The following PTPRD variants were observed in gnomAD, a reference collection of about 807,000 sequenced individuals.
PTPRD encodes protein tyrosine phosphatase receptor type D.
Under a neutral mutation model 214.5 loss-of-function variants are expected in PTPRD, and 34 were observed. That is an observed-to-expected ratio of 0.16 (90% confidence interval 0.12 to 0.21). PTPRD has a LOEUF of 0.21. Ranked by LOEUF, PTPRD falls within the 10% of genes least tolerant of loss-of-function variation. The probability of loss-of-function intolerance (pLI) is 1.00; values close to 1 mark genes in which losing one functional copy is unlikely to be tolerated. For missense variants in PTPRD, 2,545 were observed against 2,398.7 expected (o/e 1.06, Z -1.27); for synonymous variants, 1,128 against 845.7 (o/e 1.33, Z -5.79).
chr9:8,896,843 A>C (rs1190511147), intron 11 of PTPRD, among the ~76,000 whole-genome samples: 1 of 152,174 alleles, frequency 6.6e-6, no homozygotes, highest in Non-Finnish European at 1.5e-5. Context: ...GTTATTTTTC[A>C]TCAGAAATGA....
intron 3 of PTPRD, among the ~76,000 whole-genome samples, chr9:10,308,521 T>C (rs2096162565): frequency 6.6e-6 from 1 of 151,260 alleles, no homozygotes; most frequent in South Asian, 2.1e-4. Flanking sequence ...GTTCTTTGTG[T>C]TCAAGATTGC....
At chr9:9,985,998 G>A (rs1056968543) in intron 4 of PTPRD, among the ~76,000 whole-genome samples, 9 of 151,946 alleles carry the variant, frequency 5.9e-5, no homozygotes, top group African/African-American at 1.7e-4. Flanking sequence ...TTTGGTTTGG[G>A]GAATAAGGAG....
At chr9:8,745,784 TTCTCTC>T (rs60391748) in intron 11 of PTPRD, among the ~76,000 whole-genome samples, 159 of 148,748 alleles carry the variant, frequency 1.1e-3, no homozygotes, top group South Asian at 3.2e-3. Flanking sequence ...TTTATGGAGT[TTCTCTC>T]TCTCTCTCTC....
At chr9:10,382,496 T>C (rs980011109) in intron 2 of PTPRD, among the ~76,000 whole-genome samples, 3 of 151,934 alleles carry the variant, frequency 2.0e-5, no homozygotes, top group Non-Finnish European at 4.4e-5. Context: ...ATTATTGAAA[T>C]ACAATCTGAA....
intron 4 of PTPRD, among the ~76,000 whole-genome samples, chr9:10,016,421 T>G: frequency 7.0e-6 from 1 of 142,276 alleles, no homozygotes; most frequent in Admixed American, 7.0e-5. Flanking sequence ...AAATTCTTTC[T>G]TATTTCAGTA....
rs144354568 is a variant in PTPRD, at chr9:10,329,868, G to A, written c.-545+11095C>T. 2.2e-3 allele frequency among the ~76,000 whole-genome samples: 339 copies of A among 151,828 alleles called. 7 individuals are homozygous for A. The East Asian group carries it at 0.028, about 13-fold the overall frequency. ...TTGCATAACCATTTTGATGCGCATG[G>A]CATAGTCTGTCATGTATAAAAAATT... On this transcript the variant is annotated intron_variant, in intron 3 of 45. Transcript: ENST00000381196.
chr9:8,743,267 C>G (rs1047920184), intron 11 of PTPRD, among the ~76,000 whole-genome samples: 1 of 152,102 alleles, frequency 6.6e-6, no homozygotes, highest in Non-Finnish European at 1.5e-5. Context: ...TAAGTTAGAA[C>G]CAAAGTTGGC....
chr9:9,657,960 C>A (rs1404253840), intron 7 of PTPRD, among the ~76,000 whole-genome samples: 4 of 152,138 alleles, frequency 2.6e-5, no homozygotes, highest in Non-Finnish European at 4.4e-5. Context: ...CCAAGTGGAA[C>A]TCATTTGACT....
intron 10 of PTPRD, among the ~76,000 whole-genome samples, chr9:9,125,560 T>A (rs1410135641): frequency 1.1e-4 from 17 of 152,176 alleles, no homozygotes; most frequent in Admixed American, 2.6e-4. Context: ...TTACCTTTTA[T>A]ATTAGTTTCA....
At chr9:9,406,217 G>A (rs920471052) in intron 8 of PTPRD, among the ~76,000 whole-genome samples, 9 of 151,872 alleles carry the variant, frequency 5.9e-5, no homozygotes, top group African/African-American at 1.9e-4. Flanking sequence ...TAAAAAGATG[G>A]TAAGGGCCAA....
chr9:9,581,715 T>C (rs377472027), intron 7 of PTPRD, among the ~76,000 whole-genome samples: 2 of 152,172 alleles, frequency 1.3e-5, no homozygotes, highest in South Asian at 4.1e-4. Context: ...GCCTAACTTA[T>C]TTCTTACAAA....
chr9:9,329,208 CTACT>C (rs1595872146), intron 9 of PTPRD, among the ~76,000 whole-genome samples: 3 of 151,940 alleles, frequency 2.0e-5, no homozygotes, highest in Admixed American at 6.6e-5. Context: ...ATATGGCTGG[CTACT>C]TACTTTTATT....
At chr9:9,844,645 C>A (rs1177128908) in intron 5 of PTPRD, among the ~76,000 whole-genome samples, 1 of 151,834 alleles carries the variant, frequency 6.6e-6, no homozygotes, top group African/African-American at 2.4e-5. Context: ...CGACAAATTA[C>A]ACCAATTAAC....
chr9:9,563,940 C>T (rs2083618967), intron 8 of PTPRD, among the ~76,000 whole-genome samples: 1 of 152,080 alleles, frequency 6.6e-6, no homozygotes. Flanking sequence ...GCTCTCAAAC[C>T]AAATGGGCAT....
intron 12 of PTPRD, among the ~76,000 whole-genome samples, chr9:8,704,061 A>C (rs998637339): frequency 6.6e-6 from 1 of 152,150 alleles, no homozygotes; most frequent in African/African-American, 2.4e-5. Context: ...CAACCTGCCT[A>C]CATATTTCTG....
chr9:8,749,760 A>C (rs960386149), intron 11 of PTPRD, among the ~76,000 whole-genome samples: 1 of 152,174 alleles, frequency 6.6e-6, no homozygotes, highest in African/African-American at 2.4e-5. Flanking sequence ...ATATTTCTGA[A>C]TACCAGGCAA....
intron 2 of PTPRD, among the ~76,000 whole-genome samples, chr9:10,479,868 A>G (rs1003781430): frequency 2.6e-5 from 4 of 152,014 alleles, no homozygotes; most frequent in Non-Finnish European, 4.4e-5. Flanking sequence ...GTACATTCCT[A>G]AAGACTGTTT....
At chr9:10,556,483 C>A (rs906173232) in intron 2 of PTPRD, among the ~76,000 whole-genome samples, 8 of 151,896 alleles carry the variant, frequency 5.3e-5, no homozygotes, top group Admixed American at 2.6e-4. Context: ...ATTTAAAATG[C>A]AAGGAAAAAC....
intron 3 of PTPRD, among the ~76,000 whole-genome samples, chr9:10,174,691 A>T (rs141511922): frequency 6.6e-6 from 1 of 152,208 alleles, no homozygotes; most frequent in East Asian, 1.9e-4. Flanking sequence ...TCAACTAATC[A>T]TAAGTGCATA....
Sources: gnomAD v4.1 joint callset for allele counts (sites outside exome capture counted in the v4.1 genomes callset) on GRCh38, gnomAD v4.1.1 for gene constraint, MANE v1.5 for transcripts, NCBI Gene and HGNC (gene_info 2026-07-23, HGNC 2026-07-21) for gene names.